DEPDC1B: variants seen among roughly 807,000 people sequenced by gnomAD.
The protein encoded by DEPDC1B is DEP domain-containing protein 1B.
A neutral mutation model predicts 66.5 loss-of-function variants in DEPDC1B; 51 were observed. That is an observed-to-expected ratio of 0.77 (90% confidence interval 0.61 to 0.97). DEPDC1B has a LOEUF of 0.97. DEPDC1B is among the 50% of genes least tolerant of loss of function. DEPDC1B has a pLI of 0.00. For synonymous variants in DEPDC1B, 226 were observed against 223.6 expected (o/e 1.01, Z -0.10); for missense variants, 552 against 637.1 (o/e 0.87, Z 1.44).
chr5:60,599,303 C>A (rs1752157174), intron 9 of DEPDC1B, 43 bp from the exon 10 acceptor site: 3 of 1,442,310 alleles, frequency 2.1e-6, no homozygotes, highest in Middle Eastern at 2.2e-4. Flanking sequence ...AGCATATTTT[C>A]AAATAAATTA....
Position 60,599,136 on chromosome 5 carries a change from A to G in DEPDC1B, c.1367T>C (p.Leu456Ser), listed in dbSNP as rs1752152447. ...YGSQEPLAAL[L>S]EEVITDAKLS... is the part of the protein sequence containing the mutation. ...TTTGGCATCTGTTATGACTTCCTCC[A>G]ACAAGGCTGCCAGAGGTTCCTGAGA... is the stretch of plus-strand genomic sequence containing the variant. The change falls in exon 10 of 11, where the codon TTG (leucine) becomes TCG (serine). Residue 456 changes from leucine (L) to serine (S), a missense_variant. Transcript: ENST00000265036. The G allele has an allele frequency of 1.2e-6, 2 of 1,613,256 alleles. No individual in the cohort carries two copies. Among genetic ancestry groups the G allele is most frequent in the Admixed American group, 1.7e-5 (1 of 59,910 alleles).
At chr5:60,622,127 C>T (rs1412764825) in intron 7 of DEPDC1B, among the ~76,000 whole-genome samples, 1 of 152,042 alleles carries the variant, frequency 6.6e-6, no homozygotes, top group African/African-American at 2.4e-5. Flanking sequence ...AAATGTAGAG[C>T]TCAGTGAGTT....
At chr5:60,685,516 G>T (rs993887714) in intron 2 of DEPDC1B, among the ~76,000 whole-genome samples, 4 of 152,048 alleles carry the variant, frequency 2.6e-5, no homozygotes, top group African/African-American at 9.7e-5. Flanking sequence ...TTTTTTAAAG[G>T]GGGATACATG....
intron 2 of DEPDC1B, among the ~76,000 whole-genome samples, chr5:60,649,237 G>C (rs963769014): frequency 6.6e-6 from 1 of 152,126 alleles, no homozygotes. Flanking sequence ...TAAATTGGAT[G>C]ACCCATAAAT....
chr5:60,619,728 A>T (rs201304393), intron 7 of DEPDC1B, among the ~76,000 whole-genome samples: 1 of 151,910 alleles, frequency 6.6e-6, no homozygotes, highest in Non-Finnish European at 1.5e-5. Context: ...GGTAATTTAT[A>T]GATTCAATGC....
At chr5:60,692,568 C>A (rs1231193270) in intron 1 of DEPDC1B, among the ~76,000 whole-genome samples, 1 of 152,066 alleles carries the variant, frequency 6.6e-6, no homozygotes, top group Non-Finnish European at 1.5e-5. Context: ...TCATACACTG[C>A]TGTAAGGAAT....
intron 10 of DEPDC1B, 106 bp from the exon 11 acceptor site, chr5:60,598,020 G>A: frequency 1.0e-6 from 1 of 962,380 alleles, no homozygotes; most frequent in Non-Finnish European, 1.5e-6. Flanking sequence ...TCCTGTTTTT[G>A]TTTATTTTTG....
Position 60,688,512 on chromosome 5 carries a change from T to G in DEPDC1B, c.49-1285A>C, listed in dbSNP as rs561139631. On this transcript the variant is annotated intron_variant, in intron 1 of 10. Transcript: ENST00000265036. ...TGACAGGGTTGTTACAAAGACCAGA[T>G]GAGATAATGTTGATGCAGCCTATCA... is the stretch of plus-strand genomic sequence containing the variant. Among the ~76,000 whole-genome samples the G allele has an allele frequency of 5.9e-5, 9 of 152,196 alleles. No homozygotes were observed. The East Asian group carries it at 1.4e-3, about 23-fold the overall frequency.
In DEPDC1B at chr5:60,668,058, ATT is replaced by A. The variant is rs1461217481; in HGVS notation, c.314+18902_314+18903del. Among the ~76,000 whole-genome samples, 51 of 92,860 alleles carry A rather than the reference ATT, an allele frequency of 5.5e-4. 4 individuals carry two copies. The highest frequency in any genetic ancestry group is 2.9e-3 in the African/African-American group (46 of 15,630). 60.9% of individuals were successfully genotyped at this position (92,860 alleles called of 152,430 possible). A position where few individuals can be genotyped will look rare whatever the true frequency, so the allele number is the denominator to read the frequency against. ...TATTTTATATATATATAAAATGGAT[ATT>A]TTATATATATATAAAATGGATATTT... is the stretch of plus-strand genomic sequence containing the variant. On this transcript the variant is annotated intron_variant, in intron 2 of 10. Coordinates refer to ENST00000265036, the MANE Select transcript of DEPDC1B (RefSeq NM_018369.3).
At chr5:60,676,235 T>TC (rs1754157265) in intron 2 of DEPDC1B, among the ~76,000 whole-genome samples, 2 of 149,130 alleles carry the variant, frequency 1.3e-5, no homozygotes. Context: ...CGGCCTTTTT[T>TC]TTTTTTTTCT....
intron 1 of DEPDC1B, among the ~76,000 whole-genome samples, chr5:60,693,131 A>T (rs1754583377): frequency 6.6e-6 from 1 of 152,150 alleles, no homozygotes; most frequent in Non-Finnish European, 1.5e-5. Context: ...AAATTTTTTG[A>T]GCATTTTTCT....
intron 2 of DEPDC1B, among the ~76,000 whole-genome samples, chr5:60,674,689 G>T (rs1431279873): frequency 6.6e-6 from 1 of 152,144 alleles, no homozygotes; most frequent in Non-Finnish European, 1.5e-5. Flanking sequence ...GGCCCAAAAA[G>T]CTGCCCCAGT....
At chr5:60,619,423 T>A (rs889417580) in intron 7 of DEPDC1B, among the ~76,000 whole-genome samples, 8 of 152,198 alleles carry the variant, frequency 5.3e-5, no homozygotes, top group African/African-American at 1.9e-4. Flanking sequence ...CTTAAGCTCA[T>A]AAGCAACTTC....
In DEPDC1B at chr5:60,700,144, C is replaced by T. The variant is rs1208584443; in HGVS notation, c.-51G>A. 4 of 1,522,838 alleles carry T rather than the reference C, an allele frequency of 2.6e-6. No individual in the cohort carries two copies. The South Asian group carries it at 3.7e-5, about 14-fold the overall frequency. The allele number at this position is 1,522,838 out of a possible 1,614,324, so 94.3% of individuals were successfully genotyped here. The stretch of plus-strand genomic sequence containing the variant: ...CCGCGCCAGCGCTGATCCCCGCCAG[C>T]CGGAGGAGCAGCAGTTTGAATCCCA... On this transcript the variant is annotated 5_prime_UTR_variant, in exon 1 of 11. Transcript: ENST00000265036.
chr5:60,699,931 C>T, intron 1 of DEPDC1B, 115 bp downstream of exon 1: 1 of 1,300,266 alleles, frequency 7.7e-7, no homozygotes, highest in Non-Finnish European at 1.1e-6. Flanking sequence ...TGAAATGCTC[C>T]ACACCCGAGC....
intron 7 of DEPDC1B, chr5:60,628,496 T>G (rs1419127677): frequency 6.6e-6 from 1 of 151,058 alleles, no homozygotes; most frequent in African/African-American, 2.4e-5. Context: ...CAAAAGGAAT[T>G]AAAAAAAAAG....
chr5:60,644,896 T>TA, intron 4 of DEPDC1B, 21 bp from the exon 5 acceptor site: 1 of 1,544,602 alleles, frequency 6.5e-7, no homozygotes, highest in Non-Finnish European at 8.8e-7. Flanking sequence ...AGTAATTATA[T>TA]TAATTAGTTC....
chr5:60,693,219 T>C (rs952788693), intron 1 of DEPDC1B, among the ~76,000 whole-genome samples: 2 of 152,180 alleles, frequency 1.3e-5, no homozygotes, highest in Non-Finnish European at 2.9e-5. Context: ...CTAAAATTAT[T>C]ACCCACATGA....
intron 2 of DEPDC1B, among the ~76,000 whole-genome samples, chr5:60,679,556 GAAGGA>G (rs1754246120): frequency 6.6e-6 from 1 of 152,074 alleles, no homozygotes; most frequent in African/African-American, 2.4e-5. Flanking sequence ...AGAAAAAAGA[GAAGGA>G]AAGAAAAAAA....
Sources: gnomAD v4.1 joint callset for allele counts (sites outside exome capture counted in the v4.1 genomes callset) on GRCh38, gnomAD v4.1.1 for gene constraint, MANE v1.5 for transcripts, NCBI Gene and HGNC (gene_info 2026-07-23, HGNC 2026-07-21) for gene names.